Variants in SYNE3 observed in about 807,000 individuals in gnomAD.
SYNE3 encodes nesprin-3.
A neutral mutation model predicts 111.2 loss-of-function variants in SYNE3; 100 were observed. That is an observed-to-expected ratio of 0.90 (90% CI 0.77 to 1.06). The LOEUF is 1.06. Among genes scored for constraint, SYNE3 ranks in the 50% least tolerant of loss-of-function variants. The probability of loss-of-function intolerance (pLI) is 0.00; values close to 1 mark genes in which losing one functional copy is unlikely to be tolerated. For missense variants in SYNE3, 1,160 were observed against 1,240.3 expected (o/e 0.94, Z 0.97); for synonymous variants, 547 against 533.9 (o/e 1.02, Z -0.34).
rs578005665 is a variant in SYNE3, at chr14:95,443,785, TAC to T, written c.1777-498_1777-497del. The T allele has an allele frequency of 2.1e-3, 313 of 152,622 alleles. 1 individual carries two copies. The highest frequency in any genetic ancestry group is 2.6e-3 in the Non-Finnish European group (177 of 68,300). The allele number at this position is 152,622 out of a possible 1,614,324, so 9.5% of individuals were successfully genotyped here. A position where few individuals can be genotyped will look rare whatever the true frequency, so the allele number is the denominator to read the frequency against. On this transcript the variant is annotated intron_variant, in intron 10 of 17. Coordinates refer to ENST00000682763, the MANE Select transcript of SYNE3 (RefSeq NM_152592.6). ...CCTCGGCCTCCCAAGTAGCTGGGGTTACAGATTCCCGCCACCACGCCTGGCTA... is the reference window on the plus strand; with the variant it reads ...CCTCGGCCTCCCAAGTAGCTGGGGTTAGATTCCCGCCACCACGCCTGGCTA...
intron 7 of SYNE3, 51 bp downstream of exon 7, chr14:95,452,196 T>C: frequency 1.3e-6 from 2 of 1,483,590 alleles, no homozygotes; most frequent in East Asian, 2.4e-5. Context: ...GATGGGGAAA[T>C]GTGGGTTCCA....
chr14:95,439,554 C>T, intron 13 of SYNE3, 58 bp downstream of exon 13: 1 of 1,593,322 alleles, frequency 6.3e-7, no homozygotes, highest in Non-Finnish European at 8.5e-7. Context: ...CCTGAGTGTC[C>T]CTGAGTGAGA....
Position 95,471,579 on chromosome 14 carries a change from C to T in SYNE3, c.145-3612G>A, listed in dbSNP as rs565522195. ...CAACCTGTAGGAAGTTTATTGGAGG[C>T]TTGAAGCCAGGGGAGGCCAGAGGCT... On this transcript the variant is annotated intron_variant, in intron 2 of 17. Coordinates refer to ENST00000682763, the MANE Select transcript of SYNE3 (RefSeq NM_152592.6). Among the ~76,000 whole-genome samples the T allele has an allele frequency of 2.0e-5, 3 of 152,326 alleles. No individual in the cohort carries two copies. The South Asian group carries it at 6.2e-4, about 32-fold the overall frequency.
intron 1 of SYNE3, among the ~76,000 whole-genome samples, chr14:95,486,388 A>C (rs576847476): frequency 6.7e-6 from 1 of 149,230 alleles, no homozygotes; most frequent in Non-Finnish European, 1.5e-5. Flanking sequence ...CCAATGTCTT[A>C]TTGGCCCTGG....
rs765212058 is a variant in SYNE3, at chr14:95,439,121, G to A, written c.2288C>T (p.Ser763Leu). 25 of 1,614,112 alleles carry A rather than the reference G, an allele frequency of 1.5e-5. No individual in the cohort carries two copies. Among genetic ancestry groups the A allele is most frequent in the South Asian group, 3.3e-5 (3 of 91,088 alleles). Residue 763 changes from serine (S) to leucine (L), a missense_variant, in exon 14 of 18, where the codon TCG (serine) becomes TTG (leucine). Ser to Leu is a moderately radical substitution (Grantham distance 145). Coordinates refer to ENST00000682763, the MANE Select transcript of SYNE3 (RefSeq NM_152592.6). The stretch of plus-strand genomic sequence containing the variant: ...GTTGGTGAAAACCATTTTCTTCCCC[G>A]AATCCACTTCCATCCTCTGCAGATG... ...NWHLQRMEVD[S>L]GKKMVFTNNI...
rs1044169279 is a variant in SYNE3, at chr14:95,468,059, A to T, written c.145-92T>A. 1.3e-5 allele frequency: 19 copies of T among 1,417,926 alleles called. No homozygotes were observed. In the South Asian group the frequency reaches 2.3e-4, roughly 17 times the overall value. The allele number at this position is 1,417,926 out of a possible 1,614,324, so 87.8% of individuals were successfully genotyped here. A position where few individuals can be genotyped will look rare whatever the true frequency, so the allele number is the denominator to read the frequency against. On this transcript the variant is annotated intron_variant, in intron 2 of 17. Transcript: ENST00000682763. ...TAGTGGCATGGTGCAAAGAGCCAGG[A>T]CTCGAAGGCCAGAGGATCTGGGATT... is the stretch of plus-strand genomic sequence containing the variant.
intron 17 of SYNE3, among the ~76,000 whole-genome samples, chr14:95,422,705 G>A (rs543795654): frequency 6.6e-6 from 1 of 152,282 alleles, no homozygotes; most frequent in South Asian, 2.1e-4. Context: ...ACGGTGGGAG[G>A]AGGCCCACTG....
At chr14:95,449,099 T>A (rs1886892843) in intron 8 of SYNE3, among the ~76,000 whole-genome samples, 1 of 152,158 alleles carries the variant, frequency 6.6e-6, no homozygotes, top group Non-Finnish European at 1.5e-5. Context: ...AGACAGTATG[T>A]ACAGGCACAC....
rs1903610766 is a variant in SYNE3 at position 95,417,311 on chromosome 14, T to TAA, written c.*513_*514dup. On this transcript the variant is annotated 3_prime_UTR_variant, in exon 18 of 18. Transcript: ENST00000682763. ...CAAGCATACTTGTTCTCATTACGCA[T>TAA]AAAGCAAGAGTCGCTGGGCACCAAG... The TAA allele has an allele frequency of 5.7e-6, 1 of 176,782 alleles. No individual in the cohort carries two copies. Among genetic ancestry groups the TAA allele is most frequent in the Admixed American group, 5.3e-5 (1 of 18,716 alleles). The allele number at this position is 176,782 out of a possible 1,614,324, so 11.0% of individuals were successfully genotyped here.
chr14:95,511,910 C>T (rs1295951663), intron 1 of SYNE3, among the ~76,000 whole-genome samples: 1 of 144,024 alleles, frequency 6.9e-6, no homozygotes, highest in Non-Finnish European at 1.5e-5. Flanking sequence ...GAAGTGTATT[C>T]CCTACGTGTG....
intron 3 of SYNE3, among the ~76,000 whole-genome samples, chr14:95,466,927 C>G (rs1443001804): frequency 6.6e-6 from 1 of 152,228 alleles, no homozygotes; most frequent in African/African-American, 2.4e-5. Context: ...TCTGTGACAT[C>G]TGCATCTGTG....
chr14:95,440,494 C>T (rs551899194), intron 11 of SYNE3, among the ~76,000 whole-genome samples: 18 of 152,324 alleles, frequency 1.2e-4, no homozygotes, highest in South Asian at 2.1e-4. Flanking sequence ...CAAGGTCATA[C>T]ATGTGACAGC....
chr14:95,455,951 T>C, intron 5 of SYNE3: 1 of 517,278 alleles, frequency 1.9e-6, no homozygotes. Context: ...AGCCATTTGA[T>C]TAAGTCAAGG....
At chr14:95,426,605 T>G (rs1017931843) in intron 17 of SYNE3, among the ~76,000 whole-genome samples, 1 of 152,074 alleles carries the variant, frequency 6.6e-6, no homozygotes, top group Admixed American at 6.5e-5. Flanking sequence ...ATAATTTTTG[T>G]GGGCGGCAAG....
intron 4 of SYNE3, among the ~76,000 whole-genome samples, chr14:95,464,727 G>C (rs1191621112): frequency 1.3e-5 from 2 of 152,230 alleles, no homozygotes; most frequent in Non-Finnish European, 2.9e-5. Context: ...TGGTGTCCCA[G>C]CTGCAGGCTT....
chr14:95,455,522 C>A lies in SYNE3; in HGVS notation c.992G>T (p.Gly331Val), dbSNP rs769427891. 18 of 1,613,932 alleles carry A rather than the reference C, an allele frequency of 1.1e-5. No individual in the cohort carries two copies. Among genetic ancestry groups the A allele is most frequent in the Non-Finnish European group, 1.4e-5 (17 of 1,180,020 alleles). ...CTGCTTAATCTGCTGCTCCCAGGCT[C>A]CCCTGGACCGGAGCAGGCCCCGCAG... The part of the protein sequence containing the change: ...ERLRGLLRSR[G>V]AWEQQIKQLE... The change falls in exon 6 of 18, where the codon GGA (glycine) becomes GTA (valine). Residue 331 changes from glycine to valine, a missense_variant. By Grantham distance (109) the Gly-to-Val change is moderately radical. Transcript: ENST00000682763.
chr14:95,458,232 C>T (rs1314450319), intron 4 of SYNE3, among the ~76,000 whole-genome samples: 1 of 152,092 alleles, frequency 6.6e-6, no homozygotes. Context: ...TCCTTACAGC[C>T]TAGCACTTCA....
intron 1 of SYNE3, among the ~76,000 whole-genome samples, chr14:95,477,457 T>C (rs1435627832): frequency 6.6e-6 from 1 of 152,244 alleles, no homozygotes; most frequent in Non-Finnish European, 1.5e-5. Context: ...ACAATTTTTA[T>C]TACATTACAG....
At chr14:95,449,621 A>C in intron 8 of SYNE3, 2 of 985,476 alleles carry the variant, frequency 2.0e-6, no homozygotes, top group Non-Finnish European at 2.4e-6. Context: ...TTGGAGCTGC[A>C]GTAAAGGCAA....
Sources: gnomAD v4.1 joint callset for allele counts (sites outside exome capture counted in the v4.1 genomes callset) on GRCh38, gnomAD v4.1.1 for gene constraint, MANE v1.5 for transcripts, NCBI Gene and HGNC (gene_info 2026-07-23, HGNC 2026-07-21) for gene names.